Variants in PER3 observed in about 807,000 individuals in gnomAD.
PER3 encodes the protein period circadian protein homolog 3.
In PER3, 107 loss-of-function variants were observed where a neutral mutation model predicts 127.2. The observed-to-expected ratio is 0.84, with a 90% confidence interval of 0.72 to 0.99. The LOEUF (loss-of-function observed/expected upper bound fraction) is 0.99, where lower values mean the gene tolerates loss of function less well. Ranked by LOEUF, PER3 falls within the 50% of genes least tolerant of loss-of-function variation. The pLI is 0.00. For missense variants in PER3, 1,560 were observed against 1,525.8 expected (o/e 1.02, Z -0.37); for synonymous variants, 618 against 585.8 (o/e 1.05, Z -0.79).
At chr1:7,820,397 A>G (rs1174008183) in intron 15 of PER3, 70 bp from the exon 16 acceptor site, 5 of 1,488,288 alleles carry the variant, frequency 3.4e-6, no homozygotes, top group African/African-American at 2.8e-5. Context: ...ACTTCTGTAA[A>G]CTGGGTCTTT....
At chr1:7,785,088 ATTC>A in intron 2 of PER3, 83 bp downstream of exon 2, 1 of 1,454,344 alleles carries the variant, frequency 6.9e-7, no homozygotes, top group South Asian at 1.3e-5. Context: ...AAATCTTTTT[ATTC>A]TTTTGTTTTC....
At chr1:7,812,608 G>C (rs12141758) in intron 13 of PER3, among the ~76,000 whole-genome samples, 21,624 of 120,038 alleles carry the variant, frequency 0.18, 1,896 homozygotes, top group Admixed American at 0.26. Context: ...CTGGGCAACA[G>C]AGCAAGACTC....
chr1:7,817,115 T>C (rs1329598288), intron 13 of PER3, among the ~76,000 whole-genome samples: 1 of 152,254 alleles, frequency 6.6e-6, no homozygotes, highest in Non-Finnish European at 1.5e-5. Flanking sequence ...TGGAATGCTC[T>C]AGCTCTGGAA....
chr1:7,810,292 T>G (rs2097213729), intron 12 of PER3, 146 bp from the exon 13 acceptor site: 2 of 655,806 alleles, frequency 3.0e-6, no homozygotes, highest in Non-Finnish European at 5.2e-6. Context: ...TACTGTGGCA[T>G]GGTGCAGGAA....
rs764833302 is a variant in PER3 at position 7,827,407 on chromosome 1, AACTGC to A, written c.2481_2485del (p.Ala828GlyfsTer33). On this transcript the variant is annotated frameshift_variant, in exon 18 of 22. Transcript: ENST00000377532. LOFTEE classifies it high-confidence loss of function. ...CCGGAAGAGAATACGCAGCCCCCGGAACTGCACCGGAAGGCCTGCATGGGCTGCCC... is the reference window on the plus strand; with the variant it reads ...CCGGAAGAGAATACGCAGCCCCCGGAACCGGAAGGCCTGCATGGGCTGCCC... The A allele has an allele frequency of 6.2e-6, 10 of 1,614,024 alleles. No individual in the cohort carries two copies. In the Admixed American group the frequency reaches 8.3e-5, roughly 13 times the overall value.
chr1:7,801,039 T>C, intron 7 of PER3, 74 bp from the exon 8 acceptor site: 1 of 857,774 alleles, frequency 1.2e-6, no homozygotes, highest in South Asian at 1.5e-5. Flanking sequence ...CTTTTTAATA[T>C]GTTAAGTGGT....
intron 6 of PER3, among the ~76,000 whole-genome samples, chr1:7,796,945 C>A (rs549002712): frequency 9.9e-5 from 15 of 151,920 alleles, no homozygotes; most frequent in Admixed American, 3.3e-4. Context: ...TTGAGGCAGA[C>A]GAAATTCTAG....
chr1:7,835,991 T>C, intron 20 of PER3, 46 bp downstream of exon 20: 1 of 1,323,066 alleles, frequency 7.6e-7, no homozygotes, highest in Non-Finnish European at 1.1e-6. Context: ...TTTTGTGGTT[T>C]CTTTTTTTCT....
At chr1:7,808,762 C>T in intron 10 of PER3, 131 bp from the exon 11 acceptor site, 1 of 643,270 alleles carries the variant, frequency 1.6e-6, no homozygotes, top group South Asian at 1.8e-5. Context: ...GAATTCTAGC[C>T]TCATATTTTT....
intron 16 of PER3, among the ~76,000 whole-genome samples, chr1:7,822,825 A>G (rs2097283571): frequency 6.6e-6 from 1 of 152,182 alleles, no homozygotes; most frequent in Non-Finnish European, 1.5e-5. Context: ...TCAGGAGGCC[A>G]AGGAGGTAAG....
At chr1:7,815,497 A>C (rs2150951498) in intron 13 of PER3, among the ~76,000 whole-genome samples, 1 of 152,324 alleles carries the variant, frequency 6.6e-6, no homozygotes, top group Admixed American at 6.5e-5. Flanking sequence ...CAGATAAAGG[A>C]GTTGATTCCT....
rs542590786 is a variant in PER3, at chr1:7,806,756, T to A, written c.1137-2137T>A. 2.3e-4 allele frequency among the ~76,000 whole-genome samples: 33 copies of A among 142,302 alleles called. 1 individual carries two copies. In the South Asian group the frequency reaches 7.1e-3, roughly 30 times the overall value. The allele number at this position is 142,302 out of a possible 152,430, so 93.4% of individuals were successfully genotyped here. A position where few individuals can be genotyped will look rare whatever the true frequency, so the allele number is the denominator to read the frequency against. ...CAGTAGTGAGCCAGAATTGCACCAC[T>A]GCACTCCAGGCTGGGCAGCAGAGCA... On this transcript the variant is annotated intron_variant, in intron 10 of 21. Transcript: ENST00000377532.
chr1:7,817,586 CAG>C (rs1267786318), intron 13 of PER3, among the ~76,000 whole-genome samples: 1 of 152,116 alleles, frequency 6.6e-6, no homozygotes, highest in Non-Finnish European at 1.5e-5. Flanking sequence ...TAACGATGAC[CAG>C]ACTCCTCACT....
At chr1:7,800,145 A>G (rs1409700853) in intron 7 of PER3, among the ~76,000 whole-genome samples, 1 of 152,046 alleles carries the variant, frequency 6.6e-6, no homozygotes, top group East Asian at 1.9e-4. Flanking sequence ...GCTTCTTGAA[A>G]ATGAAATAGC....
At chr1:7,807,737 C>T (rs2097201088) in intron 10 of PER3, among the ~76,000 whole-genome samples, 2 of 152,138 alleles carry the variant, frequency 1.3e-5, no homozygotes, top group African/African-American at 4.8e-5. Flanking sequence ...CTTGCTTTAC[C>T]AAGGTACCCA....
At chr1:7,794,631 TTTTG>T (rs1169640169) in intron 6 of PER3, among the ~76,000 whole-genome samples, 1 of 152,174 alleles carries the variant, frequency 6.6e-6, no homozygotes, top group Non-Finnish European at 1.5e-5. Context: ...TTGTTTAGCT[TTTTG>T]TTTTTCAGTC....
At chr1:7,827,020 G>A (rs2097304494) in intron 17 of PER3, 98 bp from the exon 18 acceptor site, 1 of 908,864 alleles carries the variant, frequency 1.1e-6, no homozygotes, top group East Asian at 2.7e-5. Flanking sequence ...ATTGGCAAAT[G>A]CTCATTCGTC....
At chr1:7,824,544 C>T (rs928612805) in intron 16 of PER3, among the ~76,000 whole-genome samples, 2 of 151,968 alleles carry the variant, frequency 1.3e-5, no homozygotes, top group African/African-American at 2.4e-5. Flanking sequence ...GTTGTATTTT[C>T]CTGCTTCTTT....
At chr1:7,786,875 C>T in intron 4 of PER3, 39 bp downstream of exon 4, 1 of 1,199,346 alleles carries the variant, frequency 8.3e-7, no homozygotes. Flanking sequence ...ACCTGGGTGA[C>T]TTTTCCTAAG....
Sources: gnomAD v4.1 joint callset for allele counts (sites outside exome capture counted in the v4.1 genomes callset) on GRCh38, gnomAD v4.1.1 for gene constraint, MANE v1.5 for transcripts, NCBI Gene and HGNC (gene_info 2026-07-23, HGNC 2026-07-21) for gene names.